LRRC56: variants seen among roughly 807,000 people sequenced by gnomAD.
LRRC56 encodes leucine rich repeat containing 56.
Under a neutral mutation model 47.8 loss-of-function variants are expected in LRRC56, and 41 were observed. The ratio of observed to expected loss-of-function variants is 0.86; its 90% CI spans 0.67 to 1.11. LRRC56 has a LOEUF of 1.11. Ranked by LOEUF, LRRC56 falls within the 50% of genes most tolerant of loss-of-function variation. The probability of loss-of-function intolerance (pLI) is 0.00; values close to 1 mark genes in which losing one functional copy is unlikely to be tolerated. For missense variants in LRRC56, 759 were observed against 704.2 expected (o/e 1.08, Z -0.88); for synonymous variants, 387 against 311.2 (o/e 1.24, Z -2.56).
intron 6 of LRRC56, among the ~76,000 whole-genome samples, chr11:546,460 C>T (rs1311451490): frequency 3.3e-5 from 5 of 151,628 alleles, no homozygotes; most frequent in Non-Finnish European, 4.4e-5. Flanking sequence ...CCCAGCTACT[C>T]GGGAGGCTGA....
intron 1 of LRRC56, among the ~76,000 whole-genome samples, 196 bp downstream of exon 1, chr11:537,801 G>C (rs1851594986): frequency 6.6e-6 from 1 of 152,176 alleles, no homozygotes; most frequent in African/African-American, 2.4e-5. Flanking sequence ...GCACTGAAAG[G>C]GCTCCCTGTC....
the LRRC56 span, among the ~76,000 whole-genome samples, chr11:517,908 A>G: frequency 3.9e-5 from 6 of 152,190 alleles, no homozygotes; most frequent in Non-Finnish European, 7.3e-5. Context: ...GTGTCAACTC[A>G]GGGTTAAATG....
At chr11:507,467 C>T in the LRRC56 span, among the ~76,000 whole-genome samples, 4 of 151,052 alleles carry the variant, frequency 2.6e-5, no homozygotes, top group African/African-American at 7.3e-5. Flanking sequence ...GGGCTTGGTG[C>T]CGGGGGCGGG....
the LRRC56 span, among the ~76,000 whole-genome samples, chr11:526,292 C>A: frequency 5.3e-5 from 8 of 152,156 alleles, no homozygotes; most frequent in African/African-American, 1.9e-4. Flanking sequence ...AGGCACACAG[C>A]GCTAAGGAGA....
At chr11:508,752 A>T in the LRRC56 span, among the ~76,000 whole-genome samples, 1 of 151,150 alleles carries the variant, frequency 6.6e-6, no homozygotes, top group Non-Finnish European at 1.5e-5. Flanking sequence ...GGGCAACAAG[A>T]TGAAACTCTG....
chr11:508,111 C>T, the LRRC56 span, among the ~76,000 whole-genome samples: 1 of 152,348 alleles, frequency 6.6e-6, no homozygotes, highest in South Asian at 2.1e-4. Context: ...AGGAAACTAA[C>T]GGTATCTCAG....
At chr11:542,253 G>A (rs1029372462) in intron 5 of LRRC56, among the ~76,000 whole-genome samples, 5 of 152,122 alleles carry the variant, frequency 3.3e-5, no homozygotes, top group Non-Finnish European at 7.4e-5. Flanking sequence ...ACCCACGCCA[G>A]CATCACAGAG....
chr11:517,180 C>T, the LRRC56 span, among the ~76,000 whole-genome samples: 14 of 152,252 alleles, frequency 9.2e-5, no homozygotes, highest in Non-Finnish European at 1.5e-4. Flanking sequence ...AGCGCAGTGG[C>T]GTGATCTCAG....
chr11:549,563 C>T (rs1184764639), intron 6 of LRRC56, among the ~76,000 whole-genome samples: 1 of 152,216 alleles, frequency 6.6e-6, no homozygotes, highest in Non-Finnish European at 1.5e-5. Context: ...AATTCGAGTG[C>T]CCCAAACGCT....
intron 13 of LRRC56, among the ~76,000 whole-genome samples, chr11:553,345 G>T (rs555047391): frequency 2.6e-5 from 4 of 152,184 alleles, no homozygotes; most frequent in African/African-American, 9.7e-5. Flanking sequence ...CTGTGCAGGA[G>T]CCTGGTTAAG....
At position 554,190 on chromosome 11, in the gene LRRC56, T is replaced by G. The variant is rs1852623322; in HGVS notation, c.1543T>G (p.Cys515Gly). Residue 515 changes from cysteine to glycine, a missense_variant, in exon 14 of 14, where the codon TGT (cysteine) becomes GGT (glycine). By Grantham distance (159) the Cys-to-Gly change is radical. Transcript: ENST00000270115. ...ACGCCTGAGCCCTCGAGCCCAGGGA[T>G]GTCCTGGCCCAAAGCCAGCACCAGA... Reference protein sequence around the residue: ...ASRLSPRAQGCPGPKPAPDAA... With the variant: ...ASRLSPRAQGGPGPKPAPDAA... The G allele has an allele frequency of 6.4e-7, 1 of 1,563,180 alleles. No individual in the cohort carries two copies. The highest frequency in any genetic ancestry group is 1.4e-5 in the African/African-American group (1 of 73,864).
rs546300393 is a variant in LRRC56, at chr11:549,571, G to A, written c.327-331G>A. 1.6e-4 allele frequency among the ~76,000 whole-genome samples: 24 copies of A among 152,314 alleles called. No individual in the cohort carries two copies. In the South Asian group the frequency reaches 4.6e-3, roughly 29 times the overall value. On this transcript the variant is annotated intron_variant, in intron 6 of 13. Coordinates refer to ENST00000270115, the MANE Select transcript of LRRC56 (RefSeq NM_198075.4). ...TACTCCAAATTCGAGTGCCCCAAACGCTACTGAGGAGACAATTAGAAAGAG... is the reference window on the plus strand; with the variant it reads ...TACTCCAAATTCGAGTGCCCCAAACACTACTGAGGAGACAATTAGAAAGAG...
chr11:535,242 C>G (rs1365577419), upstream of LRRC56: 1 of 149,302 alleles, frequency 6.7e-6, no homozygotes, highest in African/African-American at 2.4e-5. Context: ...GCCGCAGCCC[C>G]CGACGCCCGC....
chr11:513,915 A>G, the LRRC56 span, among the ~76,000 whole-genome samples: 1 of 151,688 alleles, frequency 6.6e-6, no homozygotes, highest in African/African-American at 2.4e-5. Context: ...AAGACCTTCC[A>G]CCAGCAAAGA....
chr11:511,295 T>G, the LRRC56 span, among the ~76,000 whole-genome samples: 2 of 139,554 alleles, frequency 1.4e-5, no homozygotes, highest in Admixed American at 8.1e-5. Context: ...CACTCCAGCC[T>G]GGGCGACAGA....
At chr11:525,149 A>G in the LRRC56 span, among the ~76,000 whole-genome samples, 2 of 151,604 alleles carry the variant, frequency 1.3e-5, no homozygotes, top group South Asian at 2.1e-4. Flanking sequence ...CACACCTGTA[A>G]TCCCAGCACT....
At chr11:516,392 C>CA in the LRRC56 span, among the ~76,000 whole-genome samples, 428 of 137,898 alleles carry the variant, frequency 3.1e-3, no homozygotes, top group Middle Eastern at 7.4e-3. Context: ...GCCTCCATCT[C>CA]AAAAAAAAAA....
At chr11:517,817 T>A in the LRRC56 span, among the ~76,000 whole-genome samples, 6 of 152,268 alleles carry the variant, frequency 3.9e-5, no homozygotes, top group Non-Finnish European at 7.3e-5. Context: ...CGTTTTGTTC[T>A]GTACTAAGAA....
the LRRC56 span, among the ~76,000 whole-genome samples, chr11:525,645 G>A: frequency 7.9e-5 from 12 of 151,776 alleles, no homozygotes; most frequent in Admixed American, 5.3e-4. Flanking sequence ...CCTGTAATCC[G>A]AATACTTAGA....
Sources: gnomAD v4.1 joint callset for allele counts (sites outside exome capture counted in the v4.1 genomes callset) on GRCh38, gnomAD v4.1.1 for gene constraint, MANE v1.5 for transcripts, NCBI Gene and HGNC (gene_info 2026-07-23, HGNC 2026-07-21) for gene names.